CEP89: variants seen among roughly 807,000 people sequenced by gnomAD.
CEP89 encodes the protein centrosomal protein of 89 kDa.
CEP89 carries 95 observed loss-of-function variants against 97.6 expected under a neutral mutation model. That is an observed-to-expected ratio of 0.97 (90% CI 0.82 to 1.15). The LOEUF (loss-of-function observed/expected upper bound fraction) is 1.15, where lower values mean the gene tolerates loss of function less well. CEP89 is among the 50% of genes most tolerant of loss of function. CEP89 has a pLI of 0.00. For synonymous variants in CEP89, 354 were observed against 349.1 expected, an observed-to-expected ratio of 1.01 and a Z score of -0.16; for missense variants, 869 against 947.7, an observed-to-expected ratio of 0.92 and a Z score of 1.09.
At chr19:32,942,420 G>C (rs1342068206) in intron 5 of CEP89, among the ~76,000 whole-genome samples, 3 of 152,186 alleles carry the variant, frequency 2.0e-5, no homozygotes, top group Non-Finnish European at 4.4e-5. Context: ...GAAGTGGGGA[G>C]ATGCATAGGT....
At chr19:32,937,797 T>C (rs1050983766) in intron 6 of CEP89, 124 bp from the exon 7 acceptor site, 3 of 733,102 alleles carry the variant, frequency 4.1e-6, no homozygotes, top group Non-Finnish European at 7.2e-6. Context: ...ATTTTGACTC[T>C]TGTTCTTTGT....
intron 12 of CEP89, among the ~76,000 whole-genome samples, chr19:32,922,266 G>T (rs1161843460): frequency 3.3e-5 from 5 of 152,224 alleles, no homozygotes; most frequent in African/African-American, 1.2e-4. Flanking sequence ...AAGGGGCCGG[G>T]TGCAGTGGCT....
chr19:32,899,479 A>G (rs560209442), intron 16 of CEP89, among the ~76,000 whole-genome samples: 2 of 152,280 alleles, frequency 1.3e-5, no homozygotes, highest in East Asian at 3.9e-4. Flanking sequence ...GACTTACAAC[A>G]GGGCTACATC....
chr19:32,919,626 G>A (rs1016025889), intron 12 of CEP89, among the ~76,000 whole-genome samples: 3 of 152,140 alleles, frequency 2.0e-5, no homozygotes, highest in South Asian at 2.1e-4. Flanking sequence ...CCTCATTCCC[G>A]CCACAAACTG....
At chr19:32,918,997 G>C (rs570573947) in intron 12 of CEP89, among the ~76,000 whole-genome samples, 1 of 147,880 alleles carries the variant, frequency 6.8e-6, no homozygotes, top group East Asian at 2.0e-4. Flanking sequence ...TCATTCTCCT[G>C]CCTCAGCCTC....
At chr19:32,925,325 C>T (rs943083009) in intron 11 of CEP89, among the ~76,000 whole-genome samples, 3 of 152,140 alleles carry the variant, frequency 2.0e-5, no homozygotes, top group Non-Finnish European at 1.5e-5. Context: ...TCCCACAAAA[C>T]GGCGGTGGAC....
intron 17 of CEP89, among the ~76,000 whole-genome samples, chr19:32,886,632 G>T (rs866620103): frequency 6.6e-6 from 1 of 152,100 alleles, no homozygotes; most frequent in African/African-American, 2.4e-5. Context: ...GGGTGAGCCG[G>T]TTTTACTATT....
At chr19:32,899,549 A>T (rs1302660995) in intron 16 of CEP89, among the ~76,000 whole-genome samples, 1 of 152,228 alleles carries the variant, frequency 6.6e-6, no homozygotes, top group Admixed American at 6.5e-5. Flanking sequence ...AATCCTGGCA[A>T]TACAGCAGAT....
intron 14 of CEP89, among the ~76,000 whole-genome samples, chr19:32,902,021 T>TGTGTGTGTGC (rs1391458125): frequency 1.3e-5 from 2 of 150,804 alleles, no homozygotes; most frequent in African/African-American, 4.9e-5. Flanking sequence ...TGTGTGTGTG[T>TGTGTGTGTGC]GTGTGTGTGT....
intron 2 of CEP89, among the ~76,000 whole-genome samples, chr19:32,965,592 G>A (rs1233355493): frequency 6.7e-6 from 1 of 149,674 alleles, no homozygotes; most frequent in Non-Finnish European, 1.5e-5. Context: ...GCTACCCGGC[G>A]GGCTGAGATG....
chr19:32,906,086 T>C (rs1969882174), intron 14 of CEP89, among the ~76,000 whole-genome samples: 1 of 152,212 alleles, frequency 6.6e-6, no homozygotes, highest in Non-Finnish European at 1.5e-5. Flanking sequence ...TTGACCTTTC[T>C]CTATCCTTAT....
intron 1 of CEP89, among the ~76,000 whole-genome samples, chr19:32,967,900 G>A (rs1971317751): frequency 6.6e-6 from 1 of 152,154 alleles, no homozygotes; most frequent in Admixed American, 6.5e-5. Context: ...AGGGCTTCCA[G>A]AGCAGATGGA....
rs777462289 is a variant in CEP89 at position 32,878,972 on chromosome 19, A to AAT, written c.*189_*190insAT. ...GTGAGACCCTAGCTCTAAAAAAAAAAAAAAATTAAAAAATAAAGCAAAATG... is the reference window on the plus strand; with the variant it reads ...GTGAGACCCTAGCTCTAAAAAAAAAAATAAAAATTAAAAAATAAAGCAAAATG... On this transcript the variant is annotated 3_prime_UTR_variant, in exon 19 of 19. Transcript: ENST00000305768. The AAT allele has an allele frequency of 4.3e-4, 202 of 465,814 alleles. No homozygotes were observed. The highest frequency in any genetic ancestry group is 4.3e-3 in the South Asian group (82 of 18,934). The allele number at this position is 465,814 out of a possible 1,614,324, so 28.9% of individuals were successfully genotyped here. A position where few individuals can be genotyped will look rare whatever the true frequency, so the allele number is the denominator to read the frequency against.
chr19:32,923,262 AAATGTAAGTTTAGAAT>A (rs1970288401), intron 12 of CEP89, among the ~76,000 whole-genome samples, 161 bp downstream of exon 12: 1 of 152,224 alleles, frequency 6.6e-6, no homozygotes, highest in Non-Finnish European at 1.5e-5. Flanking sequence ...GTCATCTTGA[AAATGTAAGTTTAGAAT>A]AATTTATTAG....
Position 32,971,901 on chromosome 19 carries a change from G to C in CEP89, c.-27C>G, listed in dbSNP as rs1022362841. The C allele has an allele frequency of 1.3e-6, 2 of 1,577,248 alleles. No individual in the cohort carries two copies. The highest frequency in any genetic ancestry group is 3.3e-4 in the Middle Eastern group (2 of 6,006). ...CTTGCAGCGCGAGGAGAATGGACCG[G>C]GGCCTGGACTCATCAGCAGATCTAT... On this transcript the variant is annotated 5_prime_UTR_variant, in exon 1 of 19. Coordinates refer to ENST00000305768, the MANE Select transcript of CEP89 (RefSeq NM_032816.5).
chr19:32,939,397 C>G (rs1220608080), intron 6 of CEP89, among the ~76,000 whole-genome samples: 1 of 152,046 alleles, frequency 6.6e-6, no homozygotes, highest in African/African-American at 2.4e-5. Flanking sequence ...GTATTTAAGG[C>G]CAGGCACAGT....
intron 3 of CEP89, among the ~76,000 whole-genome samples, chr19:32,956,342 C>T (rs796266221): frequency 1.3e-5 from 2 of 151,608 alleles, no homozygotes; most frequent in African/African-American, 4.8e-5. Flanking sequence ...GCGTGAGCCA[C>T]CGCACCCGGC....
At chr19:32,958,681 A>G (rs1247609882) in intron 3 of CEP89, among the ~76,000 whole-genome samples, 3 of 151,642 alleles carry the variant, frequency 2.0e-5, no homozygotes, top group African/African-American at 7.3e-5. Flanking sequence ...TCTGTCTCAA[A>G]AAAGTCAACC....
chr19:32,928,532 T>C (rs981516960), intron 9 of CEP89, among the ~76,000 whole-genome samples: 1 of 152,122 alleles, frequency 6.6e-6, no homozygotes, highest in African/African-American at 2.4e-5. Context: ...TCCTGGGCTC[T>C]TGACTCAATG....
Sources: allele counts gnomAD v4.1 joint callset (sites outside exome capture counted in the v4.1 genomes callset), GRCh38; gene constraint gnomAD v4.1.1; transcripts MANE v1.5; gene names NCBI Gene and HGNC (gene_info 2026-07-23, HGNC 2026-07-21).